The following ZNF778 variants were observed in gnomAD, a reference collection of about 807,000 sequenced individuals.
The protein encoded by ZNF778 is zinc finger protein 778.
In ZNF778, 37 loss-of-function variants were observed where a neutral mutation model predicts 23.9. That is an observed-to-expected ratio of 1.54 (90% CI 1.19 to 2.03). The LOEUF (loss-of-function observed/expected upper bound fraction) is 2.03, where lower values mean the gene tolerates loss of function less well. Ranked by LOEUF, ZNF778 falls within the 30% of genes most tolerant of loss-of-function variation. The pLI is 0.00. For synonymous variants in ZNF778, 483 were observed against 343.9 expected (o/e 1.40, Z -4.48); for missense variants, 1,297 against 934.4 (o/e 1.39, Z -5.06).
rs1440972564 is a variant in ZNF778, at chr16:89,227,422, T to A, written c.1134T>A (p.Tyr378Ter). 6.2e-7 allele frequency: 1 copy of A among 1,613,776 alleles called. No homozygotes were observed. The highest frequency in any genetic ancestry group is 1.1e-5 in the South Asian group (1 of 91,062). Residue 378 changes from tyrosine to a stop codon, truncating the protein, a stop_gained, in exon 7 of 7, where the codon TAT becomes TAA. Coordinates refer to ENST00000433976, the MANE Select transcript of ZNF778 (RefSeq NM_001201407.2). LOFTEE classifies it low-confidence loss of function (END_TRUNC). ...GTGGGAAAGCCTGCGGTGGGTTTTA[T>A]CTACTGAATGAGCATGGAAAAACTC... ...KDCGKACGGFYLLNEHGKTHT... is the reference protein window; with the variant it reads ...KDCGKACGGF
At position 89,223,246 on chromosome 16, in the gene ZNF778, T is replaced by C. The variant is rs1232677242; in HGVS notation, c.207T>C (p.Asp69=). ...CATCTCAGAGAGACCTCTACAGAGA[T>C]GTGATGCTGGAAAACTACGAGAACC... The part of the protein sequence containing the change: ...LDPSQRDLYR[D]VMLENYENLA... Residue 69 remains aspartate (D), a synonymous_variant, in exon 4 of 7, where the codon GAT becomes GAC. Coordinates refer to ENST00000433976, the MANE Select transcript of ZNF778 (RefSeq NM_001201407.2). The C allele has an allele frequency of 3.7e-6, 6 of 1,613,704 alleles. No individual in the cohort carries two copies. The African/African-American group carries it at 8.0e-5, about 22-fold the overall frequency.
chr16:89,224,898 G>T, intron 5 of ZNF778, 96 bp downstream of exon 5: 1 of 934,088 alleles, frequency 1.1e-6, no homozygotes, highest in Non-Finnish European at 1.7e-6. Flanking sequence ...ATTGTGTCAA[G>T]TTAAGCGGCT....
At position 89,229,493 on chromosome 16, in the gene ZNF778, T is replaced by G; in HGVS notation, c.*931T>G. 1 of 976,900 alleles carries G rather than the reference T, an allele frequency of 1.0e-6. No homozygotes were observed. Among genetic ancestry groups the G allele is most frequent in the Non-Finnish European group, 1.2e-6 (1 of 827,390 alleles). The allele number at this position is 976,900 out of a possible 1,614,324, so 60.5% of individuals were successfully genotyped here. Reference sequence around the variant, plus strand: ...AGCAGCGTAGGCTCTGGTTGGTTAGTCTTGAGGATCCAGATGTGATTCTGT... The same window carrying G: ...AGCAGCGTAGGCTCTGGTTGGTTAGGCTTGAGGATCCAGATGTGATTCTGT... On this transcript the variant is annotated 3_prime_UTR_variant, in exon 7 of 7. Transcript: ENST00000433976.
In ZNF778 at chr16:89,229,199, G is replaced by C. The variant is rs1271562976; in HGVS notation, c.*637G>C. On this transcript the variant is annotated 3_prime_UTR_variant, in exon 7 of 7. Transcript: ENST00000433976. ...GCCTTGAGGACTCAGATGTGATCCT[G>C]TGTGAGCAGTGTAGGCTCTGGTTGG... 9.1e-6 allele frequency: 9 copies of C among 985,816 alleles called. No homozygotes were observed. Among genetic ancestry groups the C allele is most frequent in the Non-Finnish European group, 1.1e-5 (9 of 830,226 alleles). 61.1% of individuals were successfully genotyped at this position (985,816 alleles called of 1,614,324 possible).
intron 1 of ZNF778, among the ~76,000 whole-genome samples, chr16:89,220,538 G>C (rs1416149156): frequency 6.6e-6 from 1 of 152,198 alleles, no homozygotes; most frequent in Admixed American, 6.5e-5. Flanking sequence ...CTCGCCTGTA[G>C]TCTCAGCTAC....
chr16:89,227,456 G>A lies in ZNF778; in HGVS notation c.1168G>A (p.Glu390Lys), dbSNP rs377473405. 32 of 1,613,872 alleles carry A rather than the reference G, an allele frequency of 2.0e-5. No individual in the cohort carries two copies. The highest frequency in any genetic ancestry group is 2.6e-5 in the Non-Finnish European group (31 of 1,179,916). Residue 390 changes from glutamate (E) to lysine (K), a missense_variant, in exon 7 of 7, where the codon GAG becomes AAG. Transcript: ENST00000433976. ...TGAGCATGGAAAAACTCACACGAGG[G>A]AGAAGCCCTTTGCATGTGTGGTTTG... is the stretch of plus-strand genomic sequence containing the variant. ...LNEHGKTHTR[E>K]KPFACVVCGK...
Position 89,219,845 on chromosome 16 carries a change from T to C in ZNF778, c.-131-1152T>C, listed in dbSNP as rs377275846. ...AGATCTGCAGAGTGTTGTGCCTCTT[T>C]TTTGGTTATAGGTGTCATGAGGTGC... On this transcript the variant is annotated intron_variant, in intron 1 of 6. Transcript: ENST00000433976. Among the ~76,000 whole-genome samples, 13 of 152,362 alleles carry C rather than the reference T, an allele frequency of 8.5e-5. 1 individual carries two copies. In the South Asian group the frequency reaches 2.5e-3, roughly 29 times the overall value.
At position 89,227,836 on chromosome 16, in the gene ZNF778, G is replaced by C; in HGVS notation, c.1548G>C (p.Gly516=). ...AGCAGTGTGGCAAAGCCTTCACAGG[G>C]CGCTCAGGCCTCACTAAACACATGC... ...ECKQCGKAFT[G]RSGLTKHMRT... is the part of the protein sequence containing the mutation. The change falls in exon 7 of 7, where the codon GGG becomes GGC. Residue 516 remains glycine, a synonymous_variant. Coordinates refer to ENST00000433976, the MANE Select transcript of ZNF778 (RefSeq NM_001201407.2). 6.2e-7 allele frequency: 1 copy of C among 1,613,924 alleles called. No homozygotes were observed. The highest frequency in any genetic ancestry group is 1.1e-5 in the South Asian group (1 of 91,070).
chr16:89,226,689 A>C lies in ZNF778; in HGVS notation c.406-5A>C, dbSNP rs368165322. On this transcript the variant is annotated splice_region_variant and splice_polypyrimidine_tract_variant and intron_variant, in intron 6 of 6. Transcript: ENST00000433976. ...CCCTGACCACCACTCATTCTTCACC[A>C]ACAGGCAAGAAGCCACAATGGAGGG... 2.5e-6 allele frequency: 4 copies of C among 1,603,930 alleles called. No individual in the cohort carries two copies. In the African/African-American group the frequency reaches 5.4e-5, roughly 22 times the overall value.
chr16:89,228,555 C>T lies in ZNF778; in HGVS notation c.2267C>T (p.Pro756Leu). ...ACTCAAATTCACACTGATGAGAAAC[C>T]TTTCTAATGTAAAGAATGTGGGGAA... Reference protein sequence around the residue: ...HHTQIHTDEKPF With the variant: ...HHTQIHTDEKLF The change falls in exon 7 of 7, where the codon CCT (proline) becomes CTT (leucine). Residue 756 changes from proline (P) to leucine (L), a missense_variant. Coordinates refer to ENST00000433976, the MANE Select transcript of ZNF778 (RefSeq NM_001201407.2). 1 of 1,573,572 alleles carries T rather than the reference C, an allele frequency of 6.4e-7. No homozygotes were observed. Among genetic ancestry groups the T allele is most frequent in the Non-Finnish European group, 8.6e-7 (1 of 1,163,968 alleles).
rs781379979 is a variant in ZNF778, at chr16:89,227,342, C to G, written c.1054C>G (p.Leu352Val). ...AAAAGCCTTCACTGGACTCTCAGGTCTTTCTAAACACGTCCAAACAGACCC... is the reference window on the plus strand; with the variant it reads ...AAAAGCCTTCACTGGACTCTCAGGTGTTTCTAAACACGTCCAAACAGACCC... ...CGKAFTGLSGLSKHVQTDPGQ... is the reference protein window; with the variant it reads ...CGKAFTGLSGVSKHVQTDPGQ... Residue 352 changes from leucine (L) to valine (V), a missense_variant, in exon 7 of 7, where the codon CTT (leucine) becomes GTT (valine). Transcript: ENST00000433976. 7 of 1,613,874 alleles carry G rather than the reference C, an allele frequency of 4.3e-6. No individual in the cohort carries two copies. In the Admixed American group the frequency reaches 5.0e-5, roughly 12 times the overall value.
rs951065762 is a variant in ZNF778, at chr16:89,232,406, C to T, written c.*3844C>T. The T allele has an allele frequency of 3.2e-6, 1 of 311,112 alleles. No homozygotes were observed. Among genetic ancestry groups the T allele is most frequent in the African/African-American group, 2.2e-5 (1 of 46,020 alleles). 19.3% of individuals were successfully genotyped at this position (311,112 alleles called of 1,614,324 possible). ...AGCCTCTTTCTAAGTTACCCACAGC[C>T]TCAGATATGTAGCAACACAGACAGA... On this transcript the variant is annotated 3_prime_UTR_variant, in exon 7 of 7. Transcript: ENST00000433976.
chr16:89,233,978 G>C lies in ZNF778; in HGVS notation c.*5416G>C. On this transcript the variant is annotated 3_prime_UTR_variant, in exon 7 of 7. Coordinates refer to ENST00000433976, the MANE Select transcript of ZNF778 (RefSeq NM_001201407.2). ...GAAGTATGCAGACTAGCCAGCCCCA[G>C]ACTTCATCCTGCCCTGTCCTGCCTT... 1.1e-5 allele frequency: 14 copies of C among 1,246,026 alleles called. No homozygotes were observed. The highest frequency in any genetic ancestry group is 1.5e-5 in the Non-Finnish European group (14 of 949,226). The allele number at this position is 1,246,026 out of a possible 1,614,324, so 77.2% of individuals were successfully genotyped here. A position where few individuals can be genotyped will look rare whatever the true frequency, so the allele number is the denominator to read the frequency against.
rs2031781642 is a variant in ZNF778, at chr16:89,229,378, G to A, written c.*816G>A. On this transcript the variant is annotated 3_prime_UTR_variant, in exon 7 of 7. Coordinates refer to ENST00000433976, the MANE Select transcript of ZNF778 (RefSeq NM_001201407.2). ...TCTTGTGTGAGCACTGTAGGCTCTG[G>A]TTGGTTAGTCTTGAGGATCCAGATG... The A allele has an allele frequency of 3.2e-5, 32 of 985,042 alleles. No homozygotes were observed. Among genetic ancestry groups the A allele is most frequent in the Non-Finnish European group, 3.9e-5 (32 of 829,962 alleles). The allele number at this position is 985,042 out of a possible 1,614,324, so 61.0% of individuals were successfully genotyped here.
intron 4 of ZNF778, 125 bp from the exon 5 acceptor site, chr16:89,224,593 TG>T (rs1332273365): frequency 1.5e-6 from 1 of 668,050 alleles, no homozygotes; most frequent in Non-Finnish European, 2.6e-6. Flanking sequence ...CACTCCAGCC[TG>T]GGCAACAGCG....
rs749477007 is a variant in ZNF778 at position 89,222,146 on chromosome 16, C to A, written c.80C>A (p.Ala27Glu). 1.9e-6 allele frequency: 3 copies of A among 1,605,734 alleles called. No individual in the cohort carries two copies. Among genetic ancestry groups the A allele is most frequent in the Non-Finnish European group, 2.6e-6 (3 of 1,174,820 alleles). Residue 27 changes from alanine to glutamate, a missense_variant, in exon 3 of 7, where the codon GCA becomes GAA. Transcript: ENST00000433976. Reference sequence around the variant, plus strand: ...CTTCATGAAGAACAGACACAGGCAGCAGGGATGGTGGCTGGCTGGCTGATA... The same window carrying A: ...CTTCATGAAGAACAGACACAGGCAGAAGGGATGGTGGCTGGCTGGCTGATA... ...VCLHEEQTQA[A>E]GMVAGWLINC...
Position 89,232,588 on chromosome 16 carries a change from C to G in ZNF778, c.*4026C>G. 2 of 1,183,510 alleles carry G rather than the reference C, an allele frequency of 1.7e-6. No individual in the cohort carries two copies. The highest frequency in any genetic ancestry group is 1.6e-5 in the South Asian group (1 of 63,598). 73.3% of individuals were successfully genotyped at this position (1,183,510 alleles called of 1,614,324 possible). ...GTGTGAAAATCTCCACTCCCAATGTCTGAGGGTTCCTCAGAGTAAGATAAA... is the reference window on the plus strand; with the variant it reads ...GTGTGAAAATCTCCACTCCCAATGTGTGAGGGTTCCTCAGAGTAAGATAAA... On this transcript the variant is annotated 3_prime_UTR_variant, in exon 7 of 7. Transcript: ENST00000433976.
intron 1 of ZNF778, among the ~76,000 whole-genome samples, chr16:89,220,501 C>T (rs1277040986): frequency 6.6e-6 from 1 of 152,162 alleles, no homozygotes; most frequent in East Asian, 1.9e-4. Flanking sequence ...ACTAAAAATA[C>T]AAAAAAATTA....
rs1229560217 is a variant in ZNF778 at position 89,227,371 on chromosome 16, A to G, written c.1083A>G (p.Gly361=). 8.7e-6 allele frequency: 14 copies of G among 1,613,834 alleles called. No individual in the cohort carries two copies. Among genetic ancestry groups the G allele is most frequent in the Non-Finnish European group, 1.2e-5 (14 of 1,179,868 alleles). The change falls in exon 7 of 7, where the codon GGA becomes GGG. Residue 361 remains glycine (G), a synonymous_variant. Transcript: ENST00000433976. ...CTAAACACGTCCAAACAGACCCTGG[A>G]CAGAAGCCCTATGAATGTAAGGACT... The part of the protein sequence containing the change: ...GLSKHVQTDP[G]QKPYECKDCG...
Sources: gnomAD v4.1 joint callset for allele counts (sites outside exome capture counted in the v4.1 genomes callset) on GRCh38, gnomAD v4.1.1 for gene constraint, MANE v1.5 for transcripts, NCBI Gene and HGNC (gene_info 2026-07-23, HGNC 2026-07-21) for gene names.